Variants in RIMKLB observed in about 807,000 individuals in gnomAD.
RIMKLB encodes ribosomal modification protein rimK like family member B, also known as beta-citrylglutamate synthase B.
RIMKLB carries 7 observed loss-of-function variants against 32.0 expected under a neutral mutation model. The ratio of observed to expected loss-of-function variants is 0.22; its 90% CI spans 0.12 to 0.41. The LOEUF is 0.41. Ranked by LOEUF, RIMKLB falls within the 10% of genes least tolerant of loss-of-function variation. RIMKLB has a pLI of 1.00. For missense variants in RIMKLB, 289 were observed against 498.7 expected, an observed-to-expected ratio of 0.58 and a Z score of 4.00; for synonymous variants, 172 against 185.1, an observed-to-expected ratio of 0.93 and a Z score of 0.57.
At chr12:8,772,380 T>G (rs1387878716) in intron 5 of RIMKLB, among the ~76,000 whole-genome samples, 4 of 152,242 alleles carry the variant, frequency 2.6e-5, no homozygotes, top group African/African-American at 9.6e-5. Context: ...TAAAGAGCTC[T>G]TATTTCTTTC....
chr12:8,737,609 T>G (rs993847910), intron 2 of RIMKLB, among the ~76,000 whole-genome samples: 2 of 152,198 alleles, frequency 1.3e-5, no homozygotes, highest in African/African-American at 4.8e-5. Flanking sequence ...GAATCTTGCC[T>G]CAATCAATTA....
chr12:8,766,255 C>T (rs951207359), intron 5 of RIMKLB, among the ~76,000 whole-genome samples: 11 of 152,130 alleles, frequency 7.2e-5, no homozygotes, highest in African/African-American at 2.7e-4. Flanking sequence ...GGATTAGTTA[C>T]GCTCACTGAT....
intron 2 of RIMKLB, among the ~76,000 whole-genome samples, chr12:8,749,409 C>T (rs1185534542): frequency 6.6e-6 from 1 of 152,208 alleles, no homozygotes; most frequent in Non-Finnish European, 1.5e-5. Flanking sequence ...TGGGGTTTCA[C>T]CATGTTGGCC....
chr12:8,750,062 G>A lies in RIMKLB; in HGVS notation c.376G>A (p.Gly126Ser). The change falls in exon 3 of 6, where the codon GGT becomes AGT. Residue 126 changes from glycine to serine, a missense_variant. This residue lies in a region of RIMKLB where 156 missense variants were observed against 329.5 expected (regional missense o/e 0.47). Transcript: ENST00000535829. ...FWTFQELAGH[G>S]VPLPDTFSYG... Reference sequence around the variant, plus strand: ...GACATTTCAAGAGTTGGCTGGCCATGGTGTTCCTCTGCCGGATACTTTCTC... The same window carrying A: ...GACATTTCAAGAGTTGGCTGGCCATAGTGTTCCTCTGCCGGATACTTTCTC... 1 of 1,609,404 alleles carries A rather than the reference G, an allele frequency of 6.2e-7. No individual in the cohort carries two copies. The highest frequency in any genetic ancestry group is 8.5e-7 in the Non-Finnish European group (1 of 1,175,928).
chr12:8,681,282 C>T (rs184679105), upstream of RIMKLB, among the ~76,000 whole-genome samples: 4 of 152,114 alleles, frequency 2.6e-5, no homozygotes, highest in Admixed American at 1.3e-4. Context: ...TCTTCATATA[C>T]CAGTGCTTTG....
At chr12:8,714,076 T>C (rs747879934) in intron 2 of RIMKLB, 35 bp downstream of exon 2, 3 of 1,571,564 alleles carry the variant, frequency 1.9e-6, no homozygotes, top group South Asian at 2.2e-5. Context: ...TTTGGATTTT[T>C]ACCTAGAATA....
At chr12:8,735,717 GT>G (rs11353803) in intron 2 of RIMKLB, among the ~76,000 whole-genome samples, 12,218 of 143,680 alleles carry the variant, frequency 0.085, 1,640 homozygotes, top group African/African-American at 0.28. Context: ...GACTTTCTTC[GT>G]TTTTTTTTTT....
In RIMKLB at chr12:8,776,470, TATGA is replaced by T; in HGVS notation, c.*2687_*2690del. 1.3e-6 allele frequency: 1 copy of T among 770,680 alleles called. No individual in the cohort carries two copies. Among genetic ancestry groups the T allele is most frequent in the Non-Finnish European group, 1.6e-6 (1 of 634,648 alleles). The allele number at this position is 770,680 out of a possible 1,614,324, so 47.7% of individuals were successfully genotyped here. A position where few individuals can be genotyped will look rare whatever the true frequency, so the allele number is the denominator to read the frequency against. Reference sequence around the variant, plus strand: ...ACTTTTGTATAATCTTCATTGCTATTATGAGAGAGAATGTATATATCAAATATGT... The same window carrying T: ...ACTTTTGTATAATCTTCATTGCTATTGAGAGAATGTATATATCAAATATGT... On this transcript the variant is annotated 3_prime_UTR_variant, in exon 6 of 6. Transcript: ENST00000535829.
At chr12:8,738,812 A>G (rs1312066016) in intron 2 of RIMKLB, among the ~76,000 whole-genome samples, 1 of 152,224 alleles carries the variant, frequency 6.6e-6, no homozygotes. Flanking sequence ...AAGATGTTAC[A>G]AAAAGTGACT....
At chr12:8,758,661 A>T (rs936435996) in intron 5 of RIMKLB, among the ~76,000 whole-genome samples, 8 of 152,180 alleles carry the variant, frequency 5.3e-5, no homozygotes, top group African/African-American at 1.9e-4. Flanking sequence ...GTCTTCTAAA[A>T]GCTTTTCCGT....
At chr12:8,768,990 A>C (rs1950193778) in intron 5 of RIMKLB, among the ~76,000 whole-genome samples, 1 of 152,088 alleles carries the variant, frequency 6.6e-6, no homozygotes, top group African/African-American at 2.4e-5. Context: ...CTCTCTTCCT[A>C]GTTTCTTTGG....
chr12:8,688,188 G>A (rs1470691462), intron 1 of RIMKLB, among the ~76,000 whole-genome samples: 3 of 152,194 alleles, frequency 2.0e-5, no homozygotes, highest in Admixed American at 6.5e-5. Flanking sequence ...TGCAAGAAAC[G>A]GGAGTGGATT....
At chr12:8,726,128 A>G (rs1251123205) in intron 2 of RIMKLB, among the ~76,000 whole-genome samples, 1 of 152,222 alleles carries the variant, frequency 6.6e-6, no homozygotes. Flanking sequence ...GATTACAGGC[A>G]TGAGCCACTG....
In RIMKLB at chr12:8,773,924, GAGAT is replaced by G. The variant is rs1950583483; in HGVS notation, c.*145_*148del. On this transcript the variant is annotated 3_prime_UTR_variant, in exon 6 of 6. Coordinates refer to ENST00000535829, the MANE Select transcript of RIMKLB (RefSeq NM_001297776.2). ...TAGTAGGATTAGTTGGAGAGAGTGG[GAGAT>G]AGATGAGACCTCTGCTAGTAAGATG... 2 of 1,433,368 alleles carry G rather than the reference GAGAT, an allele frequency of 1.4e-6. No homozygotes were observed. The highest frequency in any genetic ancestry group is 2.9e-5 in the Admixed American group (1 of 35,072). The allele number at this position is 1,433,368 out of a possible 1,614,324, so 88.8% of individuals were successfully genotyped here.
chr12:8,773,940 C>T lies in RIMKLB; in HGVS notation c.*156C>T. On this transcript the variant is annotated 3_prime_UTR_variant, in exon 6 of 6. Transcript: ENST00000535829. The stretch of plus-strand genomic sequence containing the variant: ...AGAGAGTGGGAGATAGATGAGACCT[C>T]TGCTAGTAAGATGTTACTTTCATTT... 24 of 1,419,414 alleles carry T rather than the reference C, an allele frequency of 1.7e-5. No homozygotes were observed. Among genetic ancestry groups the T allele is most frequent in the Non-Finnish European group, 2.2e-5 (24 of 1,090,620 alleles). The allele number at this position is 1,419,414 out of a possible 1,614,324, so 87.9% of individuals were successfully genotyped here.
upstream of RIMKLB, among the ~76,000 whole-genome samples, chr12:8,677,547 C>T (rs1462071131): frequency 6.6e-6 from 1 of 152,152 alleles, no homozygotes; most frequent in African/African-American, 2.4e-5. Context: ...TCCACACTTC[C>T]CCATCTTTGT....
intron 2 of RIMKLB, among the ~76,000 whole-genome samples, chr12:8,732,287 C>G (rs1012422180): frequency 6.6e-6 from 1 of 152,020 alleles, no homozygotes; most frequent in African/African-American, 2.4e-5. Flanking sequence ...TGCCATTGAT[C>G]AAGACTTTAG....
Position 8,720,167 on chromosome 12 carries a change from G to A in RIMKLB, c.175+6126G>A, listed in dbSNP as rs184585349. ...TAATGAAGACATTTTTCAGTTGTGA[G>A]TAGAATATAGAACATTAAGACATTG... On this transcript the variant is annotated intron_variant, in intron 2 of 5. Transcript: ENST00000535829. Among the ~76,000 whole-genome samples, 4 of 152,312 alleles carry A rather than the reference G, an allele frequency of 2.6e-5. No individual in the cohort carries two copies. In the East Asian group the frequency reaches 5.8e-4, roughly 22 times the overall value.
intron 2 of RIMKLB, 54 bp downstream of exon 2, chr12:8,714,095 C>T (rs1944598903): frequency 2.0e-6 from 3 of 1,472,186 alleles, no homozygotes; most frequent in African/African-American, 2.8e-5. Context: ...TATGATGAAT[C>T]TGCATGTTTT....
Sources: allele counts gnomAD v4.1 joint callset (sites outside exome capture counted in the v4.1 genomes callset), GRCh38; gene constraint gnomAD v4.1.1; regional missense constraint gnomAD v4.1.1; transcripts MANE v1.5; gene names NCBI Gene and HGNC (gene_info 2026-07-23, HGNC 2026-07-21).